Variants in CUX2 observed in about 807,000 individuals in gnomAD.
The protein encoded by CUX2 is homeobox protein cut-like 2.
In CUX2, 40 loss-of-function variants were observed where a neutral mutation model predicts 144.8. The ratio of observed to expected loss-of-function variants is 0.28; its 90% confidence interval spans 0.21 to 0.36. CUX2 has a LOEUF of 0.36. Ranked by LOEUF, CUX2 falls within the 10% of genes least tolerant of loss-of-function variation. The probability of loss-of-function intolerance (pLI) is 1.00; values close to 1 mark genes in which losing one functional copy is unlikely to be tolerated. For missense variants in CUX2, 1,615 were observed against 1,994.0 expected (o/e 0.81, Z 3.62); for synonymous variants, 827 against 875.6 (o/e 0.94, Z 0.98).
chr12:111,309,994 A>C, intron 14 of CUX2, 47 bp from the exon 15 acceptor site: 2 of 1,264,502 alleles, frequency 1.6e-6, no homozygotes, highest in Non-Finnish European at 9.9e-7. Context: ...TCCCCTCATC[A>C]TCGTCTTCCC....
Position 111,322,626 on chromosome 12 carries a change from A to T in CUX2, c.2926+46A>T. ...CTCAGGGGGTGCTGGCAAACTTCCC[A>T]CCTGCGCAGTGGCATGTCCGCCTGG... is the stretch of plus-strand genomic sequence containing the variant. On this transcript the variant is annotated intron_variant, in intron 18 of 21. Transcript: ENST00000261726. This position sits in a 1 kb window ranked among gnomAD's most constrained non-coding sequence, Gnocchi z 4.2. 6.3e-7 allele frequency: 1 copy of T among 1,588,318 alleles called. No homozygotes were observed. Among genetic ancestry groups the T allele is most frequent in the South Asian group, 1.1e-5 (1 of 88,604 alleles).
At chr12:111,325,094 G>A (rs1287542882) in intron 18 of CUX2, among the ~76,000 whole-genome samples, 1 of 150,472 alleles carries the variant, frequency 6.6e-6, no homozygotes, top group East Asian at 2.0e-4. Flanking sequence ...GACCATCCTG[G>A]CTAACTCGGT....
chr12:111,244,379 C>T (rs932424743), intron 3 of CUX2, among the ~76,000 whole-genome samples: 2 of 152,192 alleles, frequency 1.3e-5, no homozygotes, highest in Admixed American at 1.3e-4. Context: ...GTGCTTGTCC[C>T]GTCCTCTGGG....
At chr12:111,141,227 A>AACACAC (rs111451932) in intron 1 of CUX2, among the ~76,000 whole-genome samples, 5,608 of 147,412 alleles carry the variant, frequency 0.038, 326 homozygotes, top group African/African-American at 0.13. Flanking sequence ...GGCTTAGGTC[A>AACACAC]ACACACACAC....
intron 3 of CUX2, among the ~76,000 whole-genome samples, chr12:111,235,526 G>A (rs150472392): frequency 5.9e-5 from 9 of 152,126 alleles, no homozygotes; most frequent in African/African-American, 2.2e-4. Context: ...TTCGAGACCA[G>A]CCTGATCAAC....
chr12:111,234,047 A>C (rs925476556), intron 3 of CUX2, among the ~76,000 whole-genome samples: 1 of 152,190 alleles, frequency 6.6e-6, no homozygotes, highest in African/African-American at 2.4e-5. Context: ...GCCCACATTC[A>C]TTTGTCCAGA....
Position 111,287,938 on chromosome 12 carries a change from G to T in CUX2, c.302-3480G>T, listed in dbSNP as rs1244441418. ...GGTAGAAGAATTCCAGCAGGGTAGG[G>T]GTGGAAGGGAGTGCAAAAACATGCA... On this transcript the variant is annotated intron_variant, in intron 4 of 21. Coordinates refer to ENST00000261726, the MANE Select transcript of CUX2 (RefSeq NM_015267.4). This position sits in a 1 kb window ranked among gnomAD's most constrained non-coding sequence, Gnocchi z 4.2. 6.6e-6 allele frequency among the ~76,000 whole-genome samples: 1 copy of T among 152,206 alleles called. No homozygotes were observed. The highest frequency in any genetic ancestry group is 2.4e-5 in the African/African-American group (1 of 41,456).
At chr12:111,327,877 C>T (rs1887892103) in intron 18 of CUX2, among the ~76,000 whole-genome samples, 1 of 152,016 alleles carries the variant, frequency 6.6e-6, no homozygotes, top group Admixed American at 6.6e-5. Flanking sequence ...ACCAACATGG[C>T]AAAACCCCTT....
intron 1 of CUX2, among the ~76,000 whole-genome samples, chr12:111,038,845 A>G (rs1165340558): frequency 1.3e-5 from 2 of 151,966 alleles, no homozygotes; most frequent in Non-Finnish European, 2.9e-5. Context: ...CAGCTAAAAG[A>G]AGCAAATAAG....
intron 18 of CUX2, among the ~76,000 whole-genome samples, chr12:111,332,263 G>T (rs1888152091): frequency 7.2e-6 from 1 of 138,972 alleles, no homozygotes. Flanking sequence ...CTCCCGAGTA[G>T]CTGGGATTAC....
At chr12:111,261,860 G>T (rs551793881) in intron 3 of CUX2, among the ~76,000 whole-genome samples, 1 of 152,270 alleles carries the variant, frequency 6.6e-6, no homozygotes, top group Admixed American at 6.5e-5. Context: ...AGCCAAGATT[G>T]TGCCACTGCA....
rs1887586074 is a variant in CUX2, at chr12:111,322,525, G to A, written c.2871G>A (p.Leu957=). 1.2e-6 allele frequency: 2 copies of A among 1,609,462 alleles called. No individual in the cohort carries two copies. The highest frequency in any genetic ancestry group is 1.7e-6 in the Non-Finnish European group (2 of 1,179,192). Residue 957 remains leucine, a synonymous_variant, in exon 18 of 22, where the codon CTG becomes CTA. Transcript: ENST00000261726. This position sits in a 1 kb window ranked among gnomAD's most constrained non-coding sequence, Gnocchi z 4.2. ...KGREPFIRMQ[L]WLSDQLGQAV... ...GGGAGCCCTTCATCCGCATGCAGCT[G>A]TGGCTCTCTGACCAGCTCGGCCAGG...
In CUX2 at chr12:111,096,941, C is replaced by T. The variant is rs191718330; in HGVS notation, c.63+62701C>T. 2.4e-4 allele frequency among the ~76,000 whole-genome samples: 36 copies of T among 151,902 alleles called. 1 individual carries two copies. The highest frequency in any genetic ancestry group is 7.4e-5 in the Non-Finnish European group (5 of 67,952). ...GCAGTGAGCCAAGATCACACCACTG[C>T]ACTCCAGCCTGGGCAACAAAGCAGG... On this transcript the variant is annotated intron_variant, in intron 1 of 21. Transcript: ENST00000261726.
In CUX2 at chr12:111,059,881, GC is replaced by G. The variant is rs1412976947; in HGVS notation, c.63+25646del. On this transcript the variant is annotated intron_variant, in intron 1 of 21. Transcript: ENST00000261726. The surrounding 1 kb of genome is among the most constrained non-coding windows in gnomAD (Gnocchi z 5.3). ...AGACTTAAGCCTGACTTCTGGGGAA[GC>G]CCCCTTCCCTGCCCCCGACCTTGGG... Among the ~76,000 whole-genome samples the G allele has an allele frequency of 6.6e-6, 1 of 152,082 alleles. No homozygotes were observed. Among genetic ancestry groups the G allele is most frequent in the Non-Finnish European group, 1.5e-5 (1 of 68,010 alleles).
intron 1 of CUX2, among the ~76,000 whole-genome samples, chr12:111,199,843 CTGTG>C (rs960739782): frequency 1.3e-5 from 2 of 151,410 alleles, no homozygotes; most frequent in Non-Finnish European, 2.9e-5. Flanking sequence ...ATGTATGTGT[CTGTG>C]TGTGCATTTA....
intron 1 of CUX2, 33 bp from the exon 2 acceptor site, chr12:111,214,167 C>G: frequency 1.0e-5 from 12 of 1,202,836 alleles, no homozygotes; most frequent in Non-Finnish European, 1.4e-5. Context: ...TCTTTTCTCT[C>G]TCTCTCTTTT....
chr12:111,084,374 A>G (rs553199194), intron 1 of CUX2, among the ~76,000 whole-genome samples: 1 of 152,300 alleles, frequency 6.6e-6, no homozygotes, highest in African/African-American at 2.4e-5. Flanking sequence ...GCAGTTGACA[A>G]CCTGTGAATA....
chr12:111,246,118 G>A lies in CUX2; in HGVS notation c.223-17643G>A, dbSNP rs573276204. Among the ~76,000 whole-genome samples the A allele has an allele frequency of 8.1e-4, 123 of 152,258 alleles. No homozygotes were observed. Among genetic ancestry groups the A allele is most frequent in the Non-Finnish European group, 1.4e-3 (97 of 68,014 alleles). Reference sequence around the variant, plus strand: ...CAGCTTTCCTAGCTGCATGACCCGGGGCAAGTCTCTTGACTTCTCTGCGCC... The same window carrying A: ...CAGCTTTCCTAGCTGCATGACCCGGAGCAAGTCTCTTGACTTCTCTGCGCC... On this transcript the variant is annotated intron_variant, in intron 3 of 21. Transcript: ENST00000261726. This position sits in a 1 kb window ranked among gnomAD's most constrained non-coding sequence, Gnocchi z 4.0.
In CUX2 at chr12:111,191,432, A is replaced by G. The variant is rs188596288; in HGVS notation, c.64-22768A>G. Reference sequence around the variant, plus strand: ...CTGCAACCTCCATCTCCTGCGTTCAAGCAATCCTCCTGCCTCAGCTTCCGG... The same window carrying G: ...CTGCAACCTCCATCTCCTGCGTTCAGGCAATCCTCCTGCCTCAGCTTCCGG... On this transcript the variant is annotated intron_variant, in intron 1 of 21. Coordinates refer to ENST00000261726, the MANE Select transcript of CUX2 (RefSeq NM_015267.4). Among the ~76,000 whole-genome samples, 442 of 152,164 alleles carry G rather than the reference A, an allele frequency of 2.9e-3. 4 individuals carry two copies. The highest frequency in any genetic ancestry group is 4.6e-3 in the Non-Finnish European group (312 of 68,002).
Sources: allele counts gnomAD v4.1 joint callset (sites outside exome capture counted in the v4.1 genomes callset), GRCh38; gene constraint gnomAD v4.1.1; non-coding constraint Gnocchi (gnomAD v3.1); transcripts MANE v1.5; gene names NCBI Gene and HGNC (gene_info 2026-07-23, HGNC 2026-07-21).